PTPRT: variants seen among roughly 807,000 people sequenced by gnomAD.
PTPRT encodes receptor-type tyrosine-protein phosphatase T.
Under a neutral mutation model 176.8 loss-of-function variants are expected in PTPRT, and 56 were observed. The ratio of observed to expected loss-of-function variants is 0.32; its 90% CI spans 0.26 to 0.40. The LOEUF (loss-of-function observed/expected upper bound fraction) is 0.40. Among genes scored for constraint, PTPRT ranks in the 10% least tolerant of loss-of-function variants. The pLI, the probability that PTPRT is intolerant of heterozygous loss-of-function variation, is 1.00. For synonymous variants in PTPRT, 783 were observed against 739.0 expected (o/e 1.06, Z -0.96); for missense variants, 1,540 against 1,908.2 (o/e 0.81, Z 3.60).
At chr20:42,303,859 T>C (rs1191524009) in intron 12 of PTPRT, among the ~76,000 whole-genome samples, 2 of 152,106 alleles carry the variant, frequency 1.3e-5, no homozygotes, top group East Asian at 1.9e-4. Flanking sequence ...TAGAAGGTGA[T>C]GTATAGCAGG....
chr20:42,289,027 A>G (rs1364646630), intron 12 of PTPRT, among the ~76,000 whole-genome samples: 2 of 152,092 alleles, frequency 1.3e-5, no homozygotes, highest in Non-Finnish European at 2.9e-5. Context: ...ACAATGGAGA[A>G]AGGACACCCG....
intron 7 of PTPRT, among the ~76,000 whole-genome samples, chr20:42,612,785 C>T (rs2073996879): frequency 6.6e-6 from 1 of 151,288 alleles, no homozygotes; most frequent in African/African-American, 2.4e-5. Context: ...CTAAAACCAA[C>T]CAAAATTTCC....
the PTPRT span, among the ~76,000 whole-genome samples, chr20:42,050,869 A>G: frequency 2.0e-5 from 3 of 152,204 alleles, no homozygotes; most frequent in African/African-American, 7.2e-5. Context: ...TATTACTGAC[A>G]TGTCAAAAGC....
intron 7 of PTPRT, among the ~76,000 whole-genome samples, chr20:42,514,172 T>C (rs2072016179): frequency 6.6e-6 from 1 of 152,216 alleles, no homozygotes; most frequent in African/African-American, 2.4e-5. Flanking sequence ...AAATATACGA[T>C]ATATTCATCT....
intron 1 of PTPRT, among the ~76,000 whole-genome samples, chr20:43,083,351 T>TATATAC (rs2011510450): frequency 4.9e-4 from 56 of 114,280 alleles, no homozygotes; most frequent in Non-Finnish European, 7.6e-4. Context: ...TATATATATA[T>TATATAC]ATATATATAT....
chr20:42,843,678 G>A (rs142950458), intron 2 of PTPRT, among the ~76,000 whole-genome samples: 18 of 152,326 alleles, frequency 1.2e-4, no homozygotes, highest in African/African-American at 4.3e-4. Context: ...CAAAGAACAG[G>A]GGCCATGCCC....
At chr20:42,670,806 G>C (rs549377274) in intron 7 of PTPRT, among the ~76,000 whole-genome samples, 1 of 152,212 alleles carries the variant, frequency 6.6e-6, no homozygotes, top group Middle Eastern at 3.4e-3. Context: ...AACTATAATC[G>C]GAGTGGCCTG....
At chr20:42,035,558 T>C in the PTPRT span, among the ~76,000 whole-genome samples, 1 of 152,204 alleles carries the variant, frequency 6.6e-6, no homozygotes, top group African/African-American at 2.4e-5. Context: ...TATCCACCAC[T>C]CAGGCTTTCA....
At chr20:42,176,987 T>C (rs998537323) in intron 16 of PTPRT, among the ~76,000 whole-genome samples, 5 of 152,208 alleles carry the variant, frequency 3.3e-5, no homozygotes, top group African/African-American at 1.2e-4. Flanking sequence ...ATTAAGACAA[T>C]GGAAAGAACA....
chr20:42,241,548 C>T (rs1312831323), intron 14 of PTPRT, among the ~76,000 whole-genome samples: 1 of 152,026 alleles, frequency 6.6e-6, no homozygotes, highest in Non-Finnish European at 1.5e-5. Flanking sequence ...GTGGTTACAC[C>T]ATCACTGACT....
chr20:42,070,060 T>C (rs138886346), downstream of PTPRT, among the ~76,000 whole-genome samples: 403 of 152,340 alleles, frequency 2.6e-3, 2 homozygotes, highest in African/African-American at 9.4e-3. Context: ...AAAAGTTTTC[T>C]GAAATTAACT....
intron 5 of PTPRT, among the ~76,000 whole-genome samples, chr20:42,767,531 T>C (rs968841381): frequency 1.3e-5 from 2 of 151,854 alleles, no homozygotes; most frequent in Non-Finnish European, 2.9e-5. Context: ...CTGTACTAAG[T>C]CCTTTCCTTC....
rs566581185 is a variant in PTPRT, at chr20:42,895,305, C to T, written c.89-9373G>A. ...GCCTTCTCACTGTGTCCTCACACAGCCTTTCCTTGGTGCCTGTGTACTCTG... is the reference window on the plus strand; with the variant it reads ...GCCTTCTCACTGTGTCCTCACACAGTCTTTCCTTGGTGCCTGTGTACTCTG... On this transcript the variant is annotated intron_variant, in intron 1 of 30. Coordinates refer to ENST00000373187, the MANE Select transcript of PTPRT (RefSeq NM_007050.6). Among the ~76,000 whole-genome samples the T allele has an allele frequency of 1.1e-3, 168 of 152,238 alleles. 1 individual carries two copies. Among genetic ancestry groups the T allele is most frequent in the Non-Finnish European group, 1.7e-3 (113 of 68,026 alleles).
intron 9 of PTPRT, among the ~76,000 whole-genome samples, chr20:42,369,082 CTCCT>C (rs1010762461): frequency 1.3e-5 from 2 of 150,260 alleles, no homozygotes; most frequent in African/African-American, 4.9e-5. Flanking sequence ...CTCTCCTTCC[CTCCT>C]TCCTTCCTTC....
chr20:42,483,427 A>G (rs1002052045), intron 7 of PTPRT, among the ~76,000 whole-genome samples: 1 of 152,162 alleles, frequency 6.6e-6, no homozygotes, highest in Non-Finnish European at 1.5e-5. Context: ...GCCTCCCAAA[A>G]TAACTGGGAT....
intron 23 of PTPRT, among the ~76,000 whole-genome samples, chr20:42,108,710 G>A (rs1986732702): frequency 6.6e-6 from 1 of 152,068 alleles, no homozygotes; most frequent in African/African-American, 2.4e-5. Context: ...GGGAGGGGGA[G>A]AAAGAAAACA....
At chr20:43,021,557 G>A (rs1233112989) in intron 1 of PTPRT, among the ~76,000 whole-genome samples, 1 of 152,062 alleles carries the variant, frequency 6.6e-6, no homozygotes, top group Non-Finnish European at 1.5e-5. Context: ...TGTTCTGCCT[G>A]GGCCCCAGAT....
At chr20:43,137,397 T>G (rs2013866158) in intron 1 of PTPRT, among the ~76,000 whole-genome samples, 1 of 152,240 alleles carries the variant, frequency 6.6e-6, no homozygotes, top group Non-Finnish European at 1.5e-5. Context: ...TGCCTGTGGC[T>G]ATTTGGGGCT....
chr20:42,985,564 C>A (rs751127741), intron 1 of PTPRT, among the ~76,000 whole-genome samples: 6 of 152,132 alleles, frequency 3.9e-5, no homozygotes, highest in Non-Finnish European at 8.8e-5. Flanking sequence ...AGAACCAAGA[C>A]CCCTGCTCTT....
Sources: gnomAD v4.1 joint callset for allele counts (sites outside exome capture counted in the v4.1 genomes callset) on GRCh38, gnomAD v4.1.1 for gene constraint, MANE v1.5 for transcripts, NCBI Gene and HGNC (gene_info 2026-07-23, HGNC 2026-07-21) for gene names.